Variants in STIM1 observed in about 807,000 individuals in gnomAD.
The protein encoded by STIM1 is stromal interaction molecule 1.
STIM1 carries 25 observed loss-of-function variants against 74.7 expected under a neutral mutation model. The observed-to-expected ratio is 0.33, with a 90% CI of 0.24 to 0.47. The LOEUF (loss-of-function observed/expected upper bound fraction) is 0.47, where lower values mean the gene tolerates loss of function less well. Among genes scored for constraint, STIM1 ranks in the 20% least tolerant of loss-of-function variants. The probability of loss-of-function intolerance (pLI) is 1.00; values close to 1 mark genes in which losing one functional copy is unlikely to be tolerated. For synonymous variants in STIM1, 328 were observed against 348.8 expected, an observed-to-expected ratio of 0.94 and a Z score of 0.66; for missense variants, 728 against 920.8, an observed-to-expected ratio of 0.79 and a Z score of 2.71.
intron 3 of STIM1, among the ~76,000 whole-genome samples, chr11:4,033,284 G>A (rs1009692451): frequency 2.0e-5 from 3 of 152,170 alleles, no homozygotes; most frequent in Non-Finnish European, 4.4e-5. Context: ...TTTGAAGTCA[G>A]GTAGCGTGAT....
At chr11:4,062,348 G>A (rs1337631096) in intron 5 of STIM1, among the ~76,000 whole-genome samples, 3 of 152,156 alleles carry the variant, frequency 2.0e-5, no homozygotes, top group Admixed American at 6.5e-5. Context: ...TGCTAGGTAC[G>A]GTGGCTCATG....
chr11:4,011,420 G>T (rs143773584), intron 2 of STIM1, among the ~76,000 whole-genome samples: 2 of 152,098 alleles, frequency 1.3e-5, no homozygotes, highest in African/African-American at 4.8e-5. Flanking sequence ...TCTAACTGGC[G>T]TGAGATAGTA....
intron 1 of STIM1, among the ~76,000 whole-genome samples, chr11:3,926,016 C>G (rs895391763): frequency 6.6e-6 from 1 of 152,076 alleles, no homozygotes; most frequent in South Asian, 2.1e-4. Context: ...TAATATAGCT[C>G]TCAGAGAGCT....
At chr11:3,996,300 G>A (rs563009228) in intron 2 of STIM1, among the ~76,000 whole-genome samples, 1 of 152,204 alleles carries the variant, frequency 6.6e-6, no homozygotes, top group East Asian at 1.9e-4. Context: ...GGTCTTTTTG[G>A]TTTTCTTCTC....
At chr11:3,860,001 A>T (rs2090536823) in intron 1 of STIM1, among the ~76,000 whole-genome samples, 1 of 152,250 alleles carries the variant, frequency 6.6e-6, no homozygotes, top group South Asian at 2.1e-4. Context: ...GGGCTAGGTC[A>T]TATGTTCCTG....
At chr11:4,010,887 G>T (rs2093829507) in intron 2 of STIM1, among the ~76,000 whole-genome samples, 1 of 151,934 alleles carries the variant, frequency 6.6e-6, no homozygotes, top group Admixed American at 6.6e-5. Flanking sequence ...GCCCCCAACA[G>T]GCCCTGGTGT....
chr11:4,065,031 T>C (rs1367906081), intron 5 of STIM1, among the ~76,000 whole-genome samples: 1 of 152,226 alleles, frequency 6.6e-6, no homozygotes, highest in Non-Finnish European at 1.5e-5. Context: ...ATTTCTAAGG[T>C]TCTCTGTGCC....
chr11:4,084,810 G>A (rs1183352588), intron 11 of STIM1, 45 bp downstream of exon 11: 2 of 1,280,252 alleles, frequency 1.6e-6, no homozygotes, highest in Admixed American at 2.3e-5. Context: ...TGACTTTCGG[G>A]ACTAAATCAA....
At chr11:4,030,139 G>C (rs2094036358) in intron 3 of STIM1, among the ~76,000 whole-genome samples, 1 of 152,046 alleles carries the variant, frequency 6.6e-6, no homozygotes, top group South Asian at 2.1e-4. Flanking sequence ...GACCTGCCTG[G>C]CCAACATGGT....
At chr11:4,062,289 A>C (rs2094336232) in intron 5 of STIM1, among the ~76,000 whole-genome samples, 1 of 152,248 alleles carries the variant, frequency 6.6e-6, no homozygotes, top group African/African-American at 2.4e-5. Flanking sequence ...AAGTATTGGC[A>C]AACATTTTTC....
At chr11:3,858,248 T>G (rs201205375) in intron 1 of STIM1, among the ~76,000 whole-genome samples, 2 of 112,484 alleles carry the variant, frequency 1.8e-5, no homozygotes, top group Non-Finnish European at 4.3e-5. Flanking sequence ...TTTTTTTTTG[T>G]TTTTTGTTTT....
chr11:3,917,181 A>G (rs1377906098), intron 1 of STIM1, among the ~76,000 whole-genome samples: 1 of 152,120 alleles, frequency 6.6e-6, no homozygotes, highest in African/African-American at 2.4e-5. Context: ...GGTGAGGCCT[A>G]ATTGAAACAA....
At position 3,896,239 on chromosome 11, in the gene STIM1, C is replaced by T. The variant is rs564283020; in HGVS notation, c.139+39830C>T. Among the ~76,000 whole-genome samples, 6 of 151,998 alleles carry T rather than the reference C, an allele frequency of 3.9e-5. No individual in the cohort carries two copies. The East Asian group carries it at 1.2e-3, about 29-fold the overall frequency. The stretch of plus-strand genomic sequence containing the variant: ...TCTCTCTCTACCATTATATGTGGGA[C>T]AAGGGGAAAGGAGAATGGTAAATAC... On this transcript the variant is annotated intron_variant, in intron 1 of 12. Coordinates refer to ENST00000526596, the MANE Select transcript of STIM1 (RefSeq NM_001382567.1).
chr11:4,073,104 T>A (rs1041361013), intron 6 of STIM1, among the ~76,000 whole-genome samples: 9 of 148,094 alleles, frequency 6.1e-5, no homozygotes, highest in African/African-American at 2.2e-4. Context: ...ATCTACTTAA[T>A]TATCTCAGTG....
intron 1 of STIM1, among the ~76,000 whole-genome samples, chr11:3,927,079 A>G (rs1297499896): frequency 6.6e-6 from 1 of 152,234 alleles, no homozygotes; most frequent in Non-Finnish European, 1.5e-5. Context: ...TTGGCATACT[A>G]TCTAGCACAT....
intron 1 of STIM1, among the ~76,000 whole-genome samples, chr11:3,913,289 G>T (rs918451296): frequency 1.3e-5 from 2 of 151,824 alleles, no homozygotes; most frequent in African/African-American, 4.8e-5. Context: ...TGGGACTCAA[G>T]TGATCCTCCT....
chr11:4,084,837 G>T (rs1292428109), intron 11 of STIM1, 72 bp downstream of exon 11: 3 of 1,204,740 alleles, frequency 2.5e-6, no homozygotes, highest in Non-Finnish European at 3.3e-6. Flanking sequence ...TACCCCATGG[G>T]TCCCTTCTCC....
intron 3 of STIM1, among the ~76,000 whole-genome samples, chr11:4,033,428 A>G (rs896479679): frequency 2.6e-5 from 4 of 152,194 alleles, no homozygotes; most frequent in Non-Finnish European, 5.9e-5. Flanking sequence ...AGTAGATTTC[A>G]TCACATTTTT....
Position 4,091,533 on chromosome 11 carries a change from A to G in STIM1, c.1886A>G (p.Glu629Gly). Residue 629 changes from glutamate (E) to glycine (G), a missense_variant, in exon 13 of 13, where the codon GAG (glutamate) becomes GGG (glycine). Coordinates refer to ENST00000526596, the MANE Select transcript of STIM1 (RefSeq NM_001382567.1). Reference protein sequence around the residue: ...HGLDKAHSLMELSPSAPPGGS... With the variant: ...HGLDKAHSLMGLSPSAPPGGS... The stretch of plus-strand genomic sequence containing the variant: ...CTGGACAAGGCCCACAGCCTGATGG[A>G]GCTGAGCCCCTCAGCCCCACCTGGT... 1 of 1,614,176 alleles carries G rather than the reference A, an allele frequency of 6.2e-7. No homozygotes were observed. The highest frequency in any genetic ancestry group is 1.1e-5 in the South Asian group (1 of 91,082).
Sources: gnomAD v4.1 joint callset for allele counts (sites outside exome capture counted in the v4.1 genomes callset) on GRCh38, gnomAD v4.1.1 for gene constraint, MANE v1.5 for transcripts, NCBI Gene and HGNC (gene_info 2026-07-23, HGNC 2026-07-21) for gene names.